The following UGT2B7 variants were observed in gnomAD, a reference collection of about 807,000 sequenced individuals.
UGT2B7 encodes the protein UDP-glucuronosyltransferase 2B7.
In UGT2B7, 51 loss-of-function variants were observed where a neutral mutation model predicts 51.9. The ratio of observed to expected loss-of-function variants is 0.98; its 90% CI spans 0.78 to 1.24. The LOEUF is 1.24. Among genes scored for constraint, UGT2B7 ranks in the 50% most tolerant of loss-of-function variants. UGT2B7 has a pLI of 0.00. For synonymous variants in UGT2B7, 225 were observed against 211.6 expected (o/e 1.06, Z -0.55); for missense variants, 727 against 628.4 (o/e 1.16, Z -1.68).
intron 1 of UGT2B7, among the ~76,000 whole-genome samples, chr4:69,054,285 A>C (rs1376865007): frequency 6.6e-6 from 1 of 152,196 alleles, no homozygotes; most frequent in African/African-American, 2.4e-5. Context: ...CCAGTGGCCT[A>C]TCTCTCAAAA....
upstream of UGT2B7, among the ~76,000 whole-genome samples, chr4:69,092,568 T>G (rs1719107869): frequency 7.0e-6 from 1 of 143,178 alleles, no homozygotes; most frequent in Admixed American, 7.1e-5. Flanking sequence ...GTGACCTTTC[T>G]GGAAAAAGTA....
upstream of UGT2B7, among the ~76,000 whole-genome samples, chr4:69,094,162 C>T (rs1410350761): frequency 8.5e-5 from 5 of 58,578 alleles, no homozygotes; most frequent in South Asian, 7.6e-4. Context: ...TTTTTTGAGA[C>T]GGAGTCTCGC....
chr4:69,092,979 C>T (rs1281824692), upstream of UGT2B7, among the ~76,000 whole-genome samples: 1 of 126,802 alleles, frequency 7.9e-6, no homozygotes, highest in Non-Finnish European at 1.7e-5. Flanking sequence ...AAAAAAAAAA[C>T]AATATTAATA....
rs762938457 is a variant in UGT2B7, at chr4:69,112,458, T to A, written c.1312T>A (p.Tyr438Asn). 3.1e-6 allele frequency: 5 copies of A among 1,613,054 alleles called. No individual in the cohort carries two copies. The highest frequency in any genetic ancestry group is 4.2e-6 in the Non-Finnish European group (5 of 1,179,582). ...ACTGTCTTTATTTTTATCTTTCAGA[T>A]ATAAAGAGAATGTTATGAAATTATC... ...ALKRVINDPSYKENVMKLSRI... is the reference protein window; with the variant it reads ...ALKRVINDPSNKENVMKLSRI... Residue 438 changes from tyrosine to asparagine, a missense_variant and splice_region_variant, in exon 6 of 6, where the codon TAT (tyrosine) becomes AAT (asparagine). By Grantham distance (143) the Tyr-to-Asn change is moderately radical. Coordinates refer to ENST00000305231, the MANE Select transcript of UGT2B7 (RefSeq NM_001074.4).
chr4:69,063,995 G>A (rs1335754571), intron 1 of UGT2B7, among the ~76,000 whole-genome samples: 2 of 138,124 alleles, frequency 1.4e-5, no homozygotes, highest in African/African-American at 5.4e-5. Flanking sequence ...ATTTACAGGA[G>A]GCATCAAAGG....
chr4:69,054,013 C>T (rs559544174), intron 1 of UGT2B7, among the ~76,000 whole-genome samples: 16 of 152,130 alleles, frequency 1.1e-4, no homozygotes, highest in Admixed American at 2.6e-4. Flanking sequence ...GCAAGGAATA[C>T]CAGATCAATT....
At chr4:69,098,516 C>CT (rs34182209) in intron 1 of UGT2B7, 24 bp from the exon 2 acceptor site, 491,894 of 1,443,508 alleles carry the variant, frequency 0.34, 56,275 homozygotes, top group African/African-American at 0.7. Context: ...TGTCATCCAC[C>CT]TTTTTTTTTT....
chr4:69,065,967 G>A (rs1045418260), intron 1 of UGT2B7, among the ~76,000 whole-genome samples: 1 of 152,016 alleles, frequency 6.6e-6, no homozygotes, highest in African/African-American at 2.4e-5. Flanking sequence ...CATCATGATT[G>A]TATTTAACTT....
At chr4:69,112,431 T>C (rs1195400074) in intron 5 of UGT2B7, 26 bp from the exon 6 acceptor site, 1 of 1,605,954 alleles carries the variant, frequency 6.2e-7, no homozygotes, top group Non-Finnish European at 8.5e-7. Flanking sequence ...TCCTGCTACA[T>C]TACTGTCTTT....
At chr4:69,094,350 G>T (rs1268919220), upstream of UGT2B7, among the ~76,000 whole-genome samples, 2 of 35,586 alleles carry the variant, frequency 5.6e-5, no homozygotes, top group African/African-American at 4.1e-4. Context: ...GGGTTTCACC[G>T]TGTTAGCCAG....
At chr4:69,095,727 T>G (rs975301619), upstream of UGT2B7, among the ~76,000 whole-genome samples, 1 of 152,234 alleles carries the variant, frequency 6.6e-6, no homozygotes, top group Admixed American at 6.5e-5. Flanking sequence ...TTTAAAAAGA[T>G]AGTGTCATCT....
chr4:69,060,129 C>T (rs932045685), intron 1 of UGT2B7, among the ~76,000 whole-genome samples: 1 of 152,214 alleles, frequency 6.6e-6, no homozygotes, highest in African/African-American at 2.4e-5. Flanking sequence ...TGATGATCTT[C>T]TTCTAGCAGC....
intron 5 of UGT2B7, among the ~76,000 whole-genome samples, chr4:69,112,130 T>G (rs1577929857): frequency 6.6e-6 from 1 of 152,340 alleles, no homozygotes; most frequent in East Asian, 1.9e-4. Context: ...TAACCAGTTA[T>G]GTTATCTATA....
chr4:69,062,376 A>G (rs1268652007), intron 1 of UGT2B7, among the ~76,000 whole-genome samples: 1 of 152,246 alleles, frequency 6.6e-6, no homozygotes, highest in Admixed American at 6.5e-5. Flanking sequence ...ATGGCCATGC[A>G]AAAAGTATAT....
intron 1 of UGT2B7, chr4:69,067,725 A>G (rs1389386932): frequency 2.0e-5 from 3 of 152,638 alleles, no homozygotes; most frequent in African/African-American, 7.2e-5. Flanking sequence ...CTGAGTACAT[A>G]TATTTTTTGT....
intron 1 of UGT2B7, among the ~76,000 whole-genome samples, chr4:69,071,991 A>T (rs1718612005): frequency 6.6e-6 from 1 of 152,084 alleles, no homozygotes; most frequent in Non-Finnish European, 1.5e-5. Flanking sequence ...CTTCTTTGCA[A>T]TTCATAGACC....
chr4:69,108,139 G>C lies in UGT2B7; in HGVS notation c.1127G>C (p.Gly376Ala), dbSNP rs769760607. Residue 376 changes from glycine to alanine, a missense_variant, in exon 5 of 6, where the codon GGA becomes GCA. Coordinates refer to ENST00000305231, the MANE Select transcript of UGT2B7 (RefSeq NM_001074.4). ...PKTRAFITHG[G>A]ANGIYEAIYH... ...ACCAGAGCTTTTATAACTCATGGTG[G>C]AGCCAATGGCATCTACGAGGCAATC... 1.2e-5 allele frequency: 20 copies of C among 1,613,480 alleles called. No homozygotes were observed. Among genetic ancestry groups the C allele is most frequent in the Non-Finnish European group, 1.4e-5 (16 of 1,179,594 alleles).
intron 1 of UGT2B7, among the ~76,000 whole-genome samples, chr4:69,059,154 C>T (rs751438311): frequency 6.6e-6 from 1 of 152,148 alleles, no homozygotes; most frequent in Non-Finnish European, 1.5e-5. Context: ...AAGCCCATGG[C>T]CAGATTGGAA....
chr4:69,059,977 T>C (rs1286125318), intron 1 of UGT2B7, among the ~76,000 whole-genome samples: 1 of 152,192 alleles, frequency 6.6e-6, no homozygotes, highest in African/African-American at 2.4e-5. Flanking sequence ...ATTTTTGCTT[T>C]TCAATGGGGT....
Sources: gnomAD v4.1 joint callset for allele counts (sites outside exome capture counted in the v4.1 genomes callset) on GRCh38, gnomAD v4.1.1 for gene constraint, MANE v1.5 for transcripts, NCBI Gene and HGNC (gene_info 2026-07-23, HGNC 2026-07-21) for gene names.